Variants in ZCCHC8 observed in about 807,000 individuals in gnomAD.
The protein encoded by ZCCHC8 is zinc finger CCHC-type containing 8.
ZCCHC8 carries 27 observed loss-of-function variants against 70.6 expected under a neutral mutation model. That is an observed-to-expected ratio of 0.38 (90% CI 0.28 to 0.53). ZCCHC8 has a LOEUF of 0.53. Among genes scored for constraint, ZCCHC8 ranks in the 20% least tolerant of loss-of-function variants. The pLI is 0.81. For missense variants in ZCCHC8, 737 were observed against 876.9 expected (o/e 0.84, Z 2.01); for synonymous variants, 293 against 317.4 (o/e 0.92, Z 0.82).
At chr12:122,476,669 C>G (rs2137323222) in intron 13 of ZCCHC8, among the ~76,000 whole-genome samples, 1 of 151,984 alleles carries the variant, frequency 6.6e-6, no homozygotes, top group South Asian at 2.1e-4. Flanking sequence ...AATGCCTACA[C>G]AGAAGTGTGT....
intron 1 of ZCCHC8, chr12:122,499,755 T>A (rs971372651): frequency 6.6e-6 from 1 of 152,414 alleles, no homozygotes; most frequent in Non-Finnish European, 1.5e-5. Flanking sequence ...GGCAGGAGAA[T>A]CGCTTGAACC....
At chr12:122,481,288 G>T in intron 10 of ZCCHC8, 2 of 348,468 alleles carry the variant, frequency 5.7e-6, no homozygotes, top group Non-Finnish European at 1.0e-5. Context: ...CTGGAGAGGT[G>T]ATACTCTGGC....
Position 122,481,700 on chromosome 12 carries a change from T to A in ZCCHC8, c.876-36A>T, listed in dbSNP as rs1304571589. 3.1e-6 allele frequency: 5 copies of A among 1,600,580 alleles called. No homozygotes were observed. In the African/African-American group the frequency reaches 6.7e-5, roughly 21 times the overall value. Reference sequence around the variant, plus strand: ...ATAAAGGAGGAAGAAAAATACTGAATTCTTATTTGCATGAAAACACATAGT... The same window carrying A: ...ATAAAGGAGGAAGAAAAATACTGAAATCTTATTTGCATGAAAACACATAGT... On this transcript the variant is annotated intron_variant, in intron 9 of 13. Coordinates refer to ENST00000633063, the MANE Select transcript of ZCCHC8 (RefSeq NM_017612.5).
intron 5 of ZCCHC8, chr12:122,484,199 C>T (rs1957592656): frequency 6.6e-6 from 1 of 152,074 alleles, no homozygotes; most frequent in Admixed American, 6.6e-5. Flanking sequence ...CTCAAACGAT[C>T]CTCCCACCTC....
At chr12:122,487,958 C>G (rs962256341) in intron 5 of ZCCHC8, among the ~76,000 whole-genome samples, 8 of 152,054 alleles carry the variant, frequency 5.3e-5, no homozygotes, top group Admixed American at 3.9e-4. Flanking sequence ...CTCACTGCAG[C>G]CTTGACCTCA....
chr12:122,482,115 G>A (rs775081516), intron 8 of ZCCHC8, 28 bp from the exon 9 acceptor site: 1 of 1,553,828 alleles, frequency 6.4e-7, no homozygotes, highest in Non-Finnish European at 8.7e-7. Flanking sequence ...TGAAAAGAAT[G>A]GTTTCATGCA....
At chr12:122,477,715 G>T in intron 13 of ZCCHC8, 126 bp downstream of exon 13, 1 of 719,270 alleles carries the variant, frequency 1.4e-6, no homozygotes, top group Non-Finnish European at 2.4e-6. Flanking sequence ...ACTTGAACCC[G>T]GGAGGCAGAG....
chr12:122,481,599 C>T lies in ZCCHC8; in HGVS notation c.941G>A (p.Arg314His), dbSNP rs754640355. Residue 314 changes from arginine (R) to histidine (H), a missense_variant, in exon 10 of 14, where the codon CGC (arginine) becomes CAC (histidine). Physicochemically the swap from Arg to His is conservative, Grantham distance 29. Coordinates refer to ENST00000633063, the MANE Select transcript of ZCCHC8 (RefSeq NM_017612.5). ...CCACCCTGGTGGGTACCCTAGCTGG[C>T]GCATCCGATAGATAAAAGGTGGAAG... is the stretch of plus-strand genomic sequence containing the variant. ...KSLPPFIYRM[R>H]QLGYPPGWLK... 77 of 1,613,806 alleles carry T rather than the reference C, an allele frequency of 4.8e-5. No individual in the cohort carries two copies. The highest frequency in any genetic ancestry group is 6.5e-5 in the Non-Finnish European group (77 of 1,179,894).
chr12:122,489,980 T>TG (rs763918008), intron 4 of ZCCHC8, among the ~76,000 whole-genome samples: 2 of 135,136 alleles, frequency 1.5e-5, no homozygotes, highest in African/African-American at 5.2e-5. Flanking sequence ...TAATTTTTAA[T>TG]AAAAAAAAAA....
chr12:122,491,402 A>C (rs7303688), intron 3 of ZCCHC8, among the ~76,000 whole-genome samples: 1 of 151,498 alleles, frequency 6.6e-6, no homozygotes. Context: ...GGTGGCAGGC[A>C]CCTGTAATCC....
chr12:122,482,206 C>A, intron 8 of ZCCHC8, 119 bp from the exon 9 acceptor site: 2 of 1,104,168 alleles, frequency 1.8e-6, no homozygotes, highest in Non-Finnish European at 2.4e-6. Context: ...TAATGTATAA[C>A]GAACAAGTGT....
In ZCCHC8 at chr12:122,473,890, C is replaced by T. The variant is rs377551940; in HGVS notation, c.1731G>A (p.Thr577=). 28 of 1,613,810 alleles carry T rather than the reference C, an allele frequency of 1.7e-5. No homozygotes were observed. In the African/African-American group the frequency reaches 2.1e-4, roughly 12 times the overall value. The change falls in exon 14 of 14, where the codon ACG becomes ACA. Residue 577 remains threonine, a synonymous_variant. Coordinates refer to ENST00000633063, the MANE Select transcript of ZCCHC8 (RefSeq NM_017612.5). The part of the protein sequence containing the change: ...VPEGKTSEKQ[T]LDEPEVPEIF... ...TCTCTGGTACCTCAGGCTCATCCAG[C>T]GTCTGCTTTTCAGATGTTTTTCCCT...
At position 122,473,405 on chromosome 12, in the gene ZCCHC8, GAC is replaced by G. The variant is rs747385176; in HGVS notation, c.*90_*91del. The stretch of plus-strand genomic sequence containing the variant: ...TGGATAGATTTTTAAACATGGGAGG[GAC>G]AAACAGGAAAACCATTCTATCTATC... On this transcript the variant is annotated 3_prime_UTR_variant, in exon 14 of 14. Coordinates refer to ENST00000633063, the MANE Select transcript of ZCCHC8 (RefSeq NM_017612.5). 6 of 1,347,290 alleles carry G rather than the reference GAC, an allele frequency of 4.5e-6. No homozygotes were observed. The highest frequency in any genetic ancestry group is 6.0e-6 in the Non-Finnish European group (6 of 997,812). 83.5% of individuals were successfully genotyped at this position (1,347,290 alleles called of 1,614,324 possible). A position where few individuals can be genotyped will look rare whatever the true frequency, so the allele number is the denominator to read the frequency against.
chr12:122,479,452 A>G (rs1203875510), intron 11 of ZCCHC8, among the ~76,000 whole-genome samples: 1 of 152,224 alleles, frequency 6.6e-6, no homozygotes, highest in Non-Finnish European at 1.5e-5. Context: ...GCTGGAAAAG[A>G]GTTAAGTATG....
intron 11 of ZCCHC8, among the ~76,000 whole-genome samples, chr12:122,478,890 C>T (rs886644387): frequency 6.6e-6 from 1 of 152,164 alleles, no homozygotes; most frequent in African/African-American, 2.4e-5. Flanking sequence ...CCAGGGGACT[C>T]TGAAGTAGAC....
In ZCCHC8 at chr12:122,485,733, C is replaced by T. The variant is rs193203605; in HGVS notation, c.502-2170G>A. ...TCGCCCAGGCTGGAGTGCAGTGGCG[C>T]GATCTCGGCTCACTGCAAGCTCTGC... is the stretch of plus-strand genomic sequence containing the variant. On this transcript the variant is annotated intron_variant, in intron 5 of 13. Transcript: ENST00000633063. Among the ~76,000 whole-genome samples the T allele has an allele frequency of 4.6e-3, 695 of 151,168 alleles. 3 individuals carry two copies. The highest frequency in any genetic ancestry group is 8.2e-3 in the Non-Finnish European group (559 of 67,796).
intron 2 of ZCCHC8, among the ~76,000 whole-genome samples, chr12:122,494,091 G>T (rs916558498): frequency 1.3e-5 from 2 of 152,074 alleles, no homozygotes; most frequent in Non-Finnish European, 2.9e-5. Context: ...TTCAAATACC[G>T]CAAAAAACAG....
Position 122,500,881 on chromosome 12 carries a change from C to A in ZCCHC8, c.-41G>T. On this transcript the variant is annotated 5_prime_UTR_variant, in exon 1 of 14. Coordinates refer to ENST00000633063, the MANE Select transcript of ZCCHC8 (RefSeq NM_017612.5). This position sits in a 1 kb window ranked among gnomAD's most constrained non-coding sequence, Gnocchi z 4.8. ...AGATTCGAGAAGAGGCGGAGCCGGC[C>A]ACCAGGGCTTGGGGAAGAAGGTTGG... 9.7e-6 allele frequency: 15 copies of A among 1,545,366 alleles called. No individual in the cohort carries two copies. Among genetic ancestry groups the A allele is most frequent in the Non-Finnish European group, 1.3e-5 (15 of 1,143,530 alleles).
At chr12:122,492,311 CAGT>C (rs1428575680) in intron 3 of ZCCHC8, 2 of 171,236 alleles carry the variant, frequency 1.2e-5, no homozygotes, top group African/African-American at 4.8e-5. Flanking sequence ...ATGGAAAACT[CAGT>C]TACCTGATTC....
Sources: allele counts gnomAD v4.1 joint callset (sites outside exome capture counted in the v4.1 genomes callset), GRCh38; gene constraint gnomAD v4.1.1; non-coding constraint Gnocchi (gnomAD v3.1); transcripts MANE v1.5; gene names NCBI Gene and HGNC (gene_info 2026-07-23, HGNC 2026-07-21).